The following TTC34 variants were observed in gnomAD, a reference collection of about 807,000 sequenced individuals.
TTC34 encodes tetratricopeptide repeat protein 34.
TTC34 carries 44 observed loss-of-function variants against 40.7 expected under a neutral mutation model. The ratio of observed to expected loss-of-function variants is 1.08; its 90% CI spans 0.85 to 1.39. TTC34 has a LOEUF of 1.39. TTC34 is among the 40% of genes most tolerant of loss of function. The probability of loss-of-function intolerance (pLI) is 0.00; values close to 1 mark genes in which losing one functional copy is unlikely to be tolerated. For missense variants in TTC34, 884 were observed against 838.0 expected, an observed-to-expected ratio of 1.05 and a Z score of -0.68; for synonymous variants, 422 against 398.6, an observed-to-expected ratio of 1.06 and a Z score of -0.70.
At chr1:2,751,280 C>T (rs1433492164) in intron 6 of TTC34, among the ~76,000 whole-genome samples, 1 of 112,792 alleles carries the variant, frequency 8.9e-6, no homozygotes, top group African/African-American at 3.9e-5. Flanking sequence ...TGGAACAGCA[C>T]CCACACACCC....
chr1:2,684,999 C>T (rs544731181), intron 6 of TTC34, among the ~76,000 whole-genome samples: 1 of 146,400 alleles, frequency 6.8e-6, no homozygotes, highest in African/African-American at 2.7e-5. Flanking sequence ...CACCCATACC[C>T]CCAGGCGAGC....
In TTC34 at chr1:2,698,489, C is replaced by A. The variant is rs1222354663; in HGVS notation, c.2227-52926G>T. 1.5e-5 allele frequency among the ~76,000 whole-genome samples: 2 copies of A among 130,122 alleles called. 1 individual carries two copies. The highest frequency in any genetic ancestry group is 3.4e-5 in the Non-Finnish European group (2 of 59,192). The allele number at this position is 130,122 out of a possible 152,430, so 85.4% of individuals were successfully genotyped here. ...ACAGCCTGGATCAGCACCCACACTC[C>A]CAGGCGAGCATCTGACAGCCTGAAG... On this transcript the variant is annotated intron_variant, in intron 6 of 8. Transcript: ENST00000401095.
chr1:2,695,793 C>G (rs1404853268), intron 6 of TTC34, among the ~76,000 whole-genome samples: 2 of 140,354 alleles, frequency 1.4e-5, no homozygotes, highest in African/African-American at 2.8e-5. Flanking sequence ...GCAGCACGCA[C>G]ACCCCCAGTT....
chr1:2,690,244 G>C (rs1269125785), intron 6 of TTC34, among the ~76,000 whole-genome samples: 1 of 146,510 alleles, frequency 6.8e-6, no homozygotes, highest in South Asian at 2.2e-4. Context: ...TGACAGCCTG[G>C]AACAGCACCC....
intron 6 of TTC34, among the ~76,000 whole-genome samples, chr1:2,699,533 T>C (rs141341475): frequency 0.19 from 3,550 of 18,742 alleles, no homozygotes; most frequent in Middle Eastern, 0.3. Context: ...ACCACCCACA[T>C]CCCCAGGTGA....
intron 6 of TTC34, among the ~76,000 whole-genome samples, chr1:2,656,172 C>T (rs1344899704): frequency 1.4e-5 from 2 of 143,794 alleles, no homozygotes; most frequent in African/African-American, 5.1e-5. Flanking sequence ...ACAGCACCCA[C>T]ATGCCCAGGT....
chr1:2,780,040 G>A (rs1487130640), intron 6 of TTC34, among the ~76,000 whole-genome samples: 2 of 152,162 alleles, frequency 1.3e-5, no homozygotes, highest in East Asian at 3.9e-4. Context: ...CTTGAACCCC[G>A]GAAGCGGAAG....
At chr1:2,750,567 C>A (rs1245523677) in intron 6 of TTC34, among the ~76,000 whole-genome samples, 1 of 147,414 alleles carries the variant, frequency 6.8e-6, no homozygotes, top group Non-Finnish European at 1.5e-5. Context: ...ACCCACACCC[C>A]CAGGTGAGCA....
At chr1:2,789,652 G>A (rs1643639140) in exon 3 of TTC34, 2 of 1,334,498 alleles carry the variant, frequency 1.5e-6, no homozygotes, top group Non-Finnish European at 9.6e-7. Flanking sequence ...AGGGCACGTA[G>A]GCCTTGGCGG....
intron 6 of TTC34, among the ~76,000 whole-genome samples, chr1:2,767,987 C>T (rs1260094221): frequency 2.7e-5 from 4 of 150,322 alleles, no homozygotes; most frequent in East Asian, 4.0e-4. Context: ...GATGTGACTG[C>T]GTGGAACAGC....
At chr1:2,671,788 C>G (rs113980010) in intron 6 of TTC34, among the ~76,000 whole-genome samples, 3,694 of 62,048 alleles carry the variant, frequency 0.06, 12 homozygotes, top group Non-Finnish European at 0.091. Context: ...GCAGCACCCA[C>G]ACACCGAGGT....
intron 6 of TTC34, among the ~76,000 whole-genome samples, chr1:2,756,047 C>A (rs1207903751): frequency 2.7e-5 from 2 of 75,440 alleles, no homozygotes; most frequent in African/African-American, 9.7e-5. Flanking sequence ...ATCTGACAAC[C>A]TGGAACAGCA....
At chr1:2,783,742 G>C in exon 6 of TTC34, 1 of 1,539,446 alleles carries the variant, frequency 6.5e-7, no homozygotes, top group Non-Finnish European at 8.8e-7. Context: ...ATAGCAGCGG[G>C]CTCGGGCAAG....
intron 6 of TTC34, among the ~76,000 whole-genome samples, chr1:2,657,358 A>T (rs1215982919): frequency 4.1e-4 from 40 of 96,710 alleles, no homozygotes; most frequent in Non-Finnish European, 9.8e-4. Context: ...TGAGCATCTG[A>T]CAACTTGGAG....
Position 2,792,006 on chromosome 1 carries a change from CT to C in TTC34, c.785-1661del, listed in dbSNP as rs376632144. ...TGTTCAACTCTAGACTTGCCATATG[CT>C]TTTTTTTTTTTTTTTTTTTTTTTTT... is the stretch of plus-strand genomic sequence containing the variant. On this transcript the variant is annotated intron_variant, in intron 2 of 8. Coordinates refer to ENST00000401095, the Ensembl canonical transcript of TTC34. Among the ~76,000 whole-genome samples, 171 of 39,554 alleles carry C rather than the reference CT, an allele frequency of 4.3e-3. 1 individual carries two copies. Among genetic ancestry groups the C allele is most frequent in the Admixed American group, 8.4e-3 (24 of 2,844 alleles). The allele number at this position is 39,554 out of a possible 152,430, so 25.9% of individuals were successfully genotyped here. A position where few individuals can be genotyped will look rare whatever the true frequency, so the allele number is the denominator to read the frequency against.
At chr1:2,637,763 C>G (rs761958025) in exon 9 of TTC34, 1 of 152,232 alleles carries the variant, frequency 6.6e-6, no homozygotes, top group Non-Finnish European at 1.5e-5. Context: ...AGAATCAGGA[C>G]TGCCATGGCC....
At chr1:2,773,290 G>C (rs1466486390) in intron 6 of TTC34, among the ~76,000 whole-genome samples, 1 of 46,080 alleles carries the variant, frequency 2.2e-5, no homozygotes, top group Non-Finnish European at 4.5e-5. Flanking sequence ...CTGGGGCGGC[G>C]CCCACAGCCC....
At chr1:2,641,405 A>G (rs1457173002) in exon 9 of TTC34, 3 of 1,529,474 alleles carry the variant, frequency 2.0e-6, no homozygotes, top group South Asian at 2.4e-5. Flanking sequence ...CTCCCTCCGG[A>G]TTCTGGCCTT....
intron 5 of TTC34, among the ~76,000 whole-genome samples, 153 bp downstream of exon 5, chr1:2,785,666 G>A (rs12067292): frequency 0.058 from 8,812 of 152,218 alleles, 838 homozygotes; most frequent in African/African-American, 0.2. Flanking sequence ...TGCCCTCAGC[G>A]AGTGGCCCTT....
Sources: allele counts gnomAD v4.1 joint callset (sites outside exome capture counted in the v4.1 genomes callset), GRCh38; gene constraint gnomAD v4.1.1; transcripts MANE v1.5; gene names NCBI Gene and HGNC (gene_info 2026-07-23, HGNC 2026-07-21).